Variants in POU2F1 observed in about 807,000 individuals in gnomAD.
The protein encoded by POU2F1 is POU domain, class 2, transcription factor 1.
Under a neutral mutation model 84.9 loss-of-function variants are expected in POU2F1, and 16 were observed. That is an observed-to-expected ratio of 0.19 (90% CI 0.13 to 0.29). The LOEUF (loss-of-function observed/expected upper bound fraction) is 0.29, where lower values mean the gene tolerates loss of function less well. Among genes scored for constraint, POU2F1 ranks in the 10% least tolerant of loss-of-function variants. The pLI is 1.00. For missense variants in POU2F1, 738 were observed against 942.6 expected (o/e 0.78, Z 2.84); for synonymous variants, 368 against 368.3 (o/e 1.00, Z 0.01).
At chr1:167,302,105 T>C (rs1321538345) in intron 1 of POU2F1, among the ~76,000 whole-genome samples, 2 of 151,814 alleles carry the variant, frequency 1.3e-5, no homozygotes, top group Non-Finnish European at 2.9e-5. Flanking sequence ...TCTTGCTCTG[T>C]CACCCAGGCA....
intron 15 of POU2F1, chr1:167,414,817 G>C: frequency 1.3e-6 from 1 of 776,416 alleles, no homozygotes; most frequent in Middle Eastern, 6.6e-4. Context: ...ACTTTATTTG[G>C]TGATACATAA....
chr1:167,421,858 C>G lies in POU2F1; in HGVS notation c.*6048C>G, dbSNP rs529656178. On this transcript the variant is annotated 3_prime_UTR_variant, in exon 16 of 16. Transcript: ENST00000367866. ...TTATGATCGATAAACAAGATTGATG[C>G]TGTATGTATTTGGGATCCTGTTTAT... is the stretch of plus-strand genomic sequence containing the variant. 8.3e-6 allele frequency: 1 copy of G among 121,044 alleles called. No individual in the cohort carries two copies. The highest frequency in any genetic ancestry group is 3.1e-5 in the African/African-American group (1 of 31,796). 7.5% of individuals were successfully genotyped at this position (121,044 alleles called of 1,614,324 possible).
intron 2 of POU2F1, among the ~76,000 whole-genome samples, chr1:167,353,790 G>A (rs1658754608): frequency 6.6e-6 from 1 of 152,068 alleles, no homozygotes; most frequent in Non-Finnish European, 1.5e-5. Context: ...TAGCGTTTAA[G>A]TACTCATATC....
intron 13 of POU2F1, among the ~76,000 whole-genome samples, chr1:167,406,309 G>C (rs1410207422): frequency 1.3e-5 from 2 of 152,132 alleles, no homozygotes; most frequent in Admixed American, 1.3e-4. Context: ...ATACAGAAAA[G>C]ATATTTGTAA....
rs1650937455 is a variant in POU2F1, at chr1:167,426,182, C to G, written c.*10372C>G. ...ACGATTACCCAGCACTTGCATTAGT[C>G]TAACCTCAGTAATTCCAAAGCTTAG... On this transcript the variant is annotated 3_prime_UTR_variant, in exon 16 of 16. Coordinates refer to ENST00000367866, the MANE Select transcript of POU2F1 (RefSeq NM_002697.4). 1.3e-5 allele frequency: 2 copies of G among 152,062 alleles called. No homozygotes were observed. Among genetic ancestry groups the G allele is most frequent in the African/African-American group, 4.8e-5 (2 of 41,376 alleles). 9.4% of individuals were successfully genotyped at this position (152,062 alleles called of 1,614,324 possible).
chr1:167,257,312 G>A (rs1322196378), intron 1 of POU2F1, among the ~76,000 whole-genome samples: 1 of 152,082 alleles, frequency 6.6e-6, no homozygotes, highest in African/African-American at 2.4e-5. Context: ...TAAGGCATTG[G>A]CTCTATTTTA....
chr1:167,311,068 A>G (rs1655435065), intron 1 of POU2F1, among the ~76,000 whole-genome samples: 1 of 152,228 alleles, frequency 6.6e-6, no homozygotes, highest in South Asian at 2.1e-4. Flanking sequence ...AAGTACTTTC[A>G]GAACACTGAC....
At chr1:167,372,929 TTTTC>T (rs36194315) in intron 5 of POU2F1, among the ~76,000 whole-genome samples, 107,054 of 150,734 alleles carry the variant, frequency 0.71, 38,172 homozygotes, top group East Asian at 0.85. Context: ...GGGTTTTTTG[TTTTC>T]TTTCTTTCTT....
At chr1:167,269,733 C>T (rs1329091792) in intron 1 of POU2F1, among the ~76,000 whole-genome samples, 3 of 151,878 alleles carry the variant, frequency 2.0e-5, no homozygotes, top group Admixed American at 6.6e-5. Context: ...GCCAACATGG[C>T]GAAACCTTGT....
chr1:167,253,776 C>T (rs148467677), intron 1 of POU2F1, among the ~76,000 whole-genome samples: 1 of 152,014 alleles, frequency 6.6e-6, no homozygotes, highest in Non-Finnish European at 1.5e-5. Context: ...TCCTCCTTCC[C>T]CCATACCCCA....
intron 2 of POU2F1, among the ~76,000 whole-genome samples, chr1:167,353,156 T>C (rs1658692548): frequency 3.3e-5 from 5 of 152,228 alleles, no homozygotes; most frequent in Non-Finnish European, 7.3e-5. Context: ...GGTGCTAACC[T>C]TGGATTCACC....
chr1:167,269,862 C>G (rs1026721786), intron 1 of POU2F1, among the ~76,000 whole-genome samples: 8 of 148,216 alleles, frequency 5.4e-5, no homozygotes, highest in Non-Finnish European at 8.9e-5. Context: ...TGCAGTGAGC[C>G]GAGATCCCGC....
At chr1:167,327,623 C>T (rs1656794274) in intron 1 of POU2F1, among the ~76,000 whole-genome samples, 1 of 152,184 alleles carries the variant, frequency 6.6e-6, no homozygotes, top group Admixed American at 6.5e-5. Context: ...GTGCACTCTT[C>T]TGTGTATCTG....
intron 1 of POU2F1, among the ~76,000 whole-genome samples, chr1:167,252,389 C>T (rs1025483576): frequency 6.6e-6 from 1 of 152,106 alleles, no homozygotes; most frequent in Non-Finnish European, 1.5e-5. Flanking sequence ...AGGAGAAGCA[C>T]GTATGTTTGT....
At chr1:167,335,753 T>G (rs1355570379) in intron 2 of POU2F1, among the ~76,000 whole-genome samples, 1 of 152,214 alleles carries the variant, frequency 6.6e-6, no homozygotes, top group African/African-American at 2.4e-5. Context: ...ATATATACTT[T>G]ATGTCGTAAT....
chr1:167,259,158 A>G (rs369359700), intron 1 of POU2F1, among the ~76,000 whole-genome samples: 164 of 152,290 alleles, frequency 1.1e-3, no homozygotes, highest in African/African-American at 3.5e-3. Flanking sequence ...TTTTATCCCG[A>G]AGGAGGCTGG....
chr1:167,390,116 C>G (rs1332627139), intron 9 of POU2F1, among the ~76,000 whole-genome samples: 2 of 152,188 alleles, frequency 1.3e-5, no homozygotes, highest in African/African-American at 4.8e-5. Context: ...GGTCCCGAAA[C>G]CAATCCCCTG....
At chr1:167,276,433 A>G in intron 1 of POU2F1, among the ~76,000 whole-genome samples, 1 of 152,178 alleles carries the variant, frequency 6.6e-6, no homozygotes, top group East Asian at 1.9e-4. Context: ...TAATTTATAA[A>G]TTAAACTTAA....
intron 2 of POU2F1, among the ~76,000 whole-genome samples, chr1:167,359,007 GT>G (rs1294422644): frequency 6.6e-6 from 1 of 151,146 alleles, no homozygotes; most frequent in African/African-American, 2.4e-5. Context: ...TTATGTGGAA[GT>G]TTTTTTTAAT....
Sources: allele counts gnomAD v4.1 joint callset (sites outside exome capture counted in the v4.1 genomes callset), GRCh38; gene constraint gnomAD v4.1.1; transcripts MANE v1.5; gene names NCBI Gene and HGNC (gene_info 2026-07-23, HGNC 2026-07-21).